The following MAP2 variants were observed in gnomAD, a reference collection of about 807,000 sequenced individuals.
The protein encoded by MAP2 is microtubule-associated protein 2.
Under a neutral mutation model 137.6 loss-of-function variants are expected in MAP2, and 14 were observed. The ratio of observed to expected loss-of-function variants is 0.10; its 90% confidence interval spans 0.07 to 0.16. The LOEUF is 0.16. Ranked by LOEUF, MAP2 falls within the 10% of genes least tolerant of loss-of-function variation. MAP2 has a pLI of 1.00. For missense variants in MAP2, 2,088 were observed against 2,191.5 expected (o/e 0.95, Z 0.94); for synonymous variants, 786 against 782.3 (o/e 1.00, Z -0.08).
At chr2:209,579,552 A>C (rs2075922996) in intron 2 of MAP2, 1 of 151,978 alleles carries the variant, frequency 6.6e-6, no homozygotes, top group African/African-American at 2.4e-5. Context: ...CACTCGCCTT[A>C]TTTTCCTGTT....
intron 3 of MAP2, among the ~76,000 whole-genome samples, chr2:209,597,812 C>A (rs79326374): frequency 3.6e-4 from 55 of 152,114 alleles, no homozygotes; most frequent in Non-Finnish European, 6.3e-4. Context: ...TCCCACCCTC[C>A]TCCCCTTTGC....
At chr2:209,650,523 C>T (rs1220453966) in intron 4 of MAP2, among the ~76,000 whole-genome samples, 1 of 152,086 alleles carries the variant, frequency 6.6e-6, no homozygotes, top group Non-Finnish European at 1.5e-5. Flanking sequence ...GATTAGTACT[C>T]ATCAAAACTT....
intron 3 of MAP2, among the ~76,000 whole-genome samples, chr2:209,591,408 C>G (rs2079203269): frequency 6.6e-6 from 1 of 151,990 alleles, no homozygotes; most frequent in South Asian, 2.1e-4. Context: ...CCAAGTTGTT[C>G]GTTTTCTATC....
chr2:209,458,987 C>T (rs1334563325), intron 1 of MAP2, among the ~76,000 whole-genome samples: 4 of 152,138 alleles, frequency 2.6e-5, no homozygotes, highest in Non-Finnish European at 5.9e-5. Flanking sequence ...TGTTATCTGA[C>T]AAATAATCAT....
In MAP2 at chr2:209,483,716, A is replaced by ACTGT. The variant is rs576630635; in HGVS notation, c.-221-23875_-221-23872dup. Among the ~76,000 whole-genome samples, 664 of 152,326 alleles carry ACTGT rather than the reference A, an allele frequency of 4.4e-3. 5 individuals are homozygous for ACTGT. The highest frequency in any genetic ancestry group is 0.015 in the South Asian group (72 of 4,830). On this transcript the variant is annotated intron_variant, in intron 1 of 15. Transcript: ENST00000682079. The stretch of plus-strand genomic sequence containing the variant: ...ATTGGAGGCAAAAGTGTAATAATTT[A>ACTGT]CTGTTCAGTTTTGCTTGTGACAATG...
intron 3 of MAP2, among the ~76,000 whole-genome samples, chr2:209,600,255 C>T (rs2082593015): frequency 6.6e-6 from 1 of 152,178 alleles, no homozygotes; most frequent in Non-Finnish European, 1.5e-5. Context: ...TGTATATTAT[C>T]CAAAGTCACC....
At chr2:209,651,484 C>G (rs1392811712) in intron 4 of MAP2, among the ~76,000 whole-genome samples, 1 of 152,104 alleles carries the variant, frequency 6.6e-6, no homozygotes, top group Non-Finnish European at 1.5e-5. Flanking sequence ...ATTGAGCATG[C>G]CAGGAACTGT....
chr2:209,482,858 G>C (rs992218068), intron 1 of MAP2, among the ~76,000 whole-genome samples: 3 of 152,192 alleles, frequency 2.0e-5, no homozygotes, highest in African/African-American at 7.2e-5. Flanking sequence ...CTACATGATA[G>C]TGGTCTGTTT....
intron 1 of MAP2, among the ~76,000 whole-genome samples, chr2:209,445,947 C>T (rs1277031437): frequency 6.6e-6 from 1 of 151,422 alleles, no homozygotes; most frequent in Admixed American, 6.6e-5. Context: ...CACTTCCTGC[C>T]CATTATAGAA....
Position 209,694,391 on chromosome 2 carries a change from G to A in MAP2, c.2221G>A (p.Glu741Lys), listed in dbSNP as rs1213394340. The A allele has an allele frequency of 6.2e-7, 1 of 1,614,096 alleles. No homozygotes were observed. Among genetic ancestry groups the A allele is most frequent in the Admixed American group, 1.7e-5 (1 of 60,016 alleles). Reference protein sequence around the residue: ...ILTNTSGSMDEGDDYLPATTP... With the variant: ...ILTNTSGSMDKGDDYLPATTP... ...AACCAACACTAGTGGAAGTATGGATGAAGGGGATGATTACCTTCCAGCCAC... is the reference window on the plus strand; with the variant it reads ...AACCAACACTAGTGGAAGTATGGATAAAGGGGATGATTACCTTCCAGCCAC... The change falls in exon 8 of 16, where the codon GAA (glutamate) becomes AAA (lysine). Residue 741 changes from glutamate to lysine, a missense_variant. Transcript: ENST00000682079.
intron 4 of MAP2, among the ~76,000 whole-genome samples, chr2:209,650,048 T>G (rs2153602092): frequency 6.6e-6 from 1 of 152,288 alleles, no homozygotes; most frequent in Admixed American, 6.5e-5. Flanking sequence ...TAAGTGTTGG[T>G]TTGCTAGGTT....
At chr2:209,532,859 A>G (rs2065335391) in intron 2 of MAP2, among the ~76,000 whole-genome samples, 1 of 152,006 alleles carries the variant, frequency 6.6e-6, no homozygotes, top group Non-Finnish European at 1.5e-5. Context: ...TCACCAGTGA[A>G]CTCAGTGGTG....
At chr2:209,667,282 C>A (rs2046763772) in intron 5 of MAP2, among the ~76,000 whole-genome samples, 1 of 151,918 alleles carries the variant, frequency 6.6e-6, no homozygotes, top group African/African-American at 2.4e-5. Flanking sequence ...AGAGCAAAAA[C>A]AACAAAGTTC....
At chr2:209,559,959 A>T (rs549522930) in intron 2 of MAP2, among the ~76,000 whole-genome samples, 1 of 152,364 alleles carries the variant, frequency 6.6e-6, no homozygotes, top group South Asian at 2.1e-4. Context: ...ATGCTATATT[A>T]TCATGACTAT....
At chr2:209,434,839 A>ATATATGT (rs59153309) in intron 1 of MAP2, among the ~76,000 whole-genome samples, 5 of 115,010 alleles carry the variant, frequency 4.3e-5, no homozygotes, top group African/African-American at 1.7e-4. Flanking sequence ...CTCTCTATAT[A>ATATATGT]TATATATATG....
Position 209,696,029 on chromosome 2 carries a change from A to G in MAP2, c.3859A>G (p.Ile1287Val). The stretch of plus-strand genomic sequence containing the variant: ...AGGAGTGATTGAGTCTGTTGTGACC[A>G]TCGAGGATGATTTCATCACTGTAGT... Reference protein sequence around the residue: ...HKGVIESVVTIEDDFITVVQT... With the variant: ...HKGVIESVVTVEDDFITVVQT... The change falls in exon 8 of 16, where the codon ATC becomes GTC. Residue 1287 changes from isoleucine to valine, a missense_variant. Around this residue, in one of 6 missense-constraint regions of MAP2, gnomAD observed 591 missense variants for 642.6 expected, o/e 0.92. Transcript: ENST00000682079. 6.2e-7 allele frequency: 1 copy of G among 1,614,164 alleles called. No individual in the cohort carries two copies. The highest frequency in any genetic ancestry group is 8.5e-7 in the Non-Finnish European group (1 of 1,180,020).
At chr2:209,556,095 G>T (rs113648092) in intron 2 of MAP2, among the ~76,000 whole-genome samples, 2,830 of 141,910 alleles carry the variant, frequency 0.02, 87 homozygotes, top group African/African-American at 0.071. Context: ...AGGCTGGAGT[G>T]CAGTGCACCA....
intron 4 of MAP2, among the ~76,000 whole-genome samples, chr2:209,648,845 A>G (rs1436096898): frequency 2.0e-5 from 3 of 149,302 alleles, no homozygotes; most frequent in South Asian, 2.1e-4. Flanking sequence ...AGCTTGCTCT[A>G]TCAAAGCTGG....
At chr2:209,430,803 C>G (rs1694044312) in intron 1 of MAP2, among the ~76,000 whole-genome samples, 1 of 151,954 alleles carries the variant, frequency 6.6e-6, no homozygotes, top group African/African-American at 2.4e-5. Flanking sequence ...ACTGATGGAA[C>G]TTTTAAGAAT....
Sources: gnomAD v4.1 joint callset for allele counts (sites outside exome capture counted in the v4.1 genomes callset) on GRCh38, gnomAD v4.1.1 for gene constraint, gnomAD v4.1.1 regional missense constraint, MANE v1.5 for transcripts, NCBI Gene and HGNC (gene_info 2026-07-23, HGNC 2026-07-21) for gene names.